CNTN6: variants seen among roughly 807,000 people sequenced by gnomAD.
CNTN6 encodes contactin-6.
In CNTN6, 137 loss-of-function variants were observed where a neutral mutation model predicts 122.8. That is an observed-to-expected ratio of 1.12 (90% CI 0.97 to 1.29). CNTN6 has a LOEUF of 1.29. Ranked by LOEUF, CNTN6 falls within the 50% of genes most tolerant of loss-of-function variation. The pLI is 0.00. For synonymous variants in CNTN6, 570 were observed against 426.0 expected (o/e 1.34, Z -4.16); for missense variants, 1,634 against 1,223.4 (o/e 1.34, Z -5.01).
At chr3:1,260,913 G>T (rs900675411) in intron 4 of CNTN6, among the ~76,000 whole-genome samples, 5 of 152,038 alleles carry the variant, frequency 3.3e-5, no homozygotes, top group African/African-American at 1.2e-4. Context: ...ATTACCCAGT[G>T]TCAGGTATGT....
At chr3:1,143,299 GA>G (rs1451809345) in intron 1 of CNTN6, among the ~76,000 whole-genome samples, 2 of 152,052 alleles carry the variant, frequency 1.3e-5, no homozygotes, top group African/African-American at 4.8e-5. Context: ...TTTCATGCAA[GA>G]AAAAGTAAAT....
chr3:1,141,304 A>C (rs1323051987), intron 1 of CNTN6, among the ~76,000 whole-genome samples: 1 of 152,198 alleles, frequency 6.6e-6, no homozygotes, highest in Non-Finnish European at 1.5e-5. Flanking sequence ...TGAACATGGC[A>C]ACTGAAAATG....
chr3:1,289,285 A>G (rs981199896), intron 5 of CNTN6, among the ~76,000 whole-genome samples: 41 of 152,298 alleles, frequency 2.7e-4, no homozygotes, highest in African/African-American at 9.9e-4. Context: ...TCTTCAGATG[A>G]CTGGGAGGAG....
intron 2 of CNTN6, among the ~76,000 whole-genome samples, chr3:1,202,528 C>A (rs537143238): frequency 2.1e-5 from 3 of 142,610 alleles, no homozygotes; most frequent in East Asian, 2.0e-4. Context: ...GCGACAGAGC[C>A]AGACTCCGTC....
At chr3:1,335,411 T>G (rs1296359800) in intron 11 of CNTN6, among the ~76,000 whole-genome samples, 1 of 152,312 alleles carries the variant, frequency 6.6e-6, no homozygotes, top group Non-Finnish European at 1.5e-5. Context: ...AGGGAATCAA[T>G]TCCACATCTG....
At chr3:1,189,668 A>T (rs1314759545) in intron 2 of CNTN6, among the ~76,000 whole-genome samples, 1 of 152,134 alleles carries the variant, frequency 6.6e-6, no homozygotes, top group Admixed American at 6.5e-5. Context: ...CCATTTCATT[A>T]TCTGTGGATG....
chr3:1,142,966 G>GTATATATATATATA (rs1408347529), intron 1 of CNTN6, among the ~76,000 whole-genome samples: 11 of 96,622 alleles, frequency 1.1e-4, no homozygotes, highest in African/African-American at 4.7e-4. Flanking sequence ...GTGTGTGTGT[G>GTATATATATATATA]TGTATATATA....
At chr3:1,096,258 T>C (rs1409988710) in intron 1 of CNTN6, among the ~76,000 whole-genome samples, 1 of 152,164 alleles carries the variant, frequency 6.6e-6, no homozygotes, top group Admixed American at 6.5e-5. Context: ...TTTTGTTGTG[T>C]GTGTGTGTGT....
At chr3:1,390,125 C>T (rs1426786099) in intron 20 of CNTN6, among the ~76,000 whole-genome samples, 1 of 151,396 alleles carries the variant, frequency 6.6e-6, no homozygotes, top group Non-Finnish European at 1.5e-5. Flanking sequence ...CAGCACCACA[C>T]CACACCTATT....
chr3:1,186,181 G>A (rs538761164), intron 2 of CNTN6, among the ~76,000 whole-genome samples: 39 of 152,286 alleles, frequency 2.6e-4, no homozygotes, highest in African/African-American at 8.9e-4. Flanking sequence ...ATGTATTTAT[G>A]AAAGTCATTT....
intron 4 of CNTN6, among the ~76,000 whole-genome samples, chr3:1,241,801 C>G (rs2094489016): frequency 6.6e-6 from 1 of 152,228 alleles, no homozygotes; most frequent in African/African-American, 2.4e-5. Flanking sequence ...TGGAGGACAA[C>G]TGCAGCTAAA....
At chr3:1,389,204 C>T (rs1354306135) in intron 20 of CNTN6, among the ~76,000 whole-genome samples, 18 of 151,268 alleles carry the variant, frequency 1.2e-4, no homozygotes, top group Non-Finnish European at 2.5e-4. Context: ...ATCAGACTAA[C>T]AGCAGATCTC....
At chr3:1,222,510 CAGTT>C (rs1158877011) in intron 3 of CNTN6, among the ~76,000 whole-genome samples, 2 of 152,048 alleles carry the variant, frequency 1.3e-5, no homozygotes, top group Admixed American at 6.6e-5. Context: ...TGGCTTTTAA[CAGTT>C]AGAAGGATAT....
At chr3:1,229,682 T>C (rs1369654354) in intron 4 of CNTN6, among the ~76,000 whole-genome samples, 3 of 152,194 alleles carry the variant, frequency 2.0e-5, no homozygotes, top group African/African-American at 7.2e-5. Flanking sequence ...AAAACTTATT[T>C]TGTTTATGCC....
At chr3:1,358,642 T>A (rs1163058787) in intron 12 of CNTN6, among the ~76,000 whole-genome samples, 1 of 152,018 alleles carries the variant, frequency 6.6e-6, no homozygotes, top group Non-Finnish European at 1.5e-5. Flanking sequence ...TGAATCAAAC[T>A]TAGCCTTATC....
At chr3:1,311,833 C>T (rs1699372875) in intron 7 of CNTN6, among the ~76,000 whole-genome samples, 2 of 151,760 alleles carry the variant, frequency 1.3e-5, no homozygotes, top group African/African-American at 2.4e-5. Context: ...ATATGCAAGT[C>T]ATTAAACAGT....
chr3:1,118,301 G>A (rs748743025), intron 1 of CNTN6, among the ~76,000 whole-genome samples: 2 of 152,184 alleles, frequency 1.3e-5, no homozygotes, highest in Non-Finnish European at 2.9e-5. Context: ...GGGAAAGATA[G>A]TGCTCTGAAT....
intron 1 of CNTN6, among the ~76,000 whole-genome samples, chr3:1,098,250 A>G (rs1157097272): frequency 7.1e-6 from 1 of 140,802 alleles, no homozygotes; most frequent in Non-Finnish European, 1.5e-5. Flanking sequence ...CTAATAATAA[A>G]ATAAAAATAA....
At chr3:1,379,824 C>G (rs574034193) in intron 17 of CNTN6, among the ~76,000 whole-genome samples, 1 of 152,154 alleles carries the variant, frequency 6.6e-6, no homozygotes, top group Admixed American at 6.5e-5. Context: ...TCTTCTGGTG[C>G]CCAGCTTCTT....
Sources: gnomAD v4.1 joint callset for allele counts (sites outside exome capture counted in the v4.1 genomes callset) on GRCh38, gnomAD v4.1.1 for gene constraint, MANE v1.5 for transcripts, NCBI Gene and HGNC (gene_info 2026-07-23, HGNC 2026-07-21) for gene names.